HTR2C: variants seen among roughly 807,000 people sequenced by gnomAD.
The protein encoded by HTR2C is 5-hydroxytryptamine receptor 2C, also known as 5-hydroxytryptamine (serotonin) receptor 2C, G protein-coupled.
HTR2C carries 5 observed loss-of-function variants against 21.0 expected under a neutral mutation model. The observed-to-expected ratio is 0.24, with a 90% confidence interval of 0.12 to 0.50. The LOEUF (loss-of-function observed/expected upper bound fraction) is 0.50, where lower values mean the gene tolerates loss of function less well. Ranked by LOEUF, HTR2C falls within the 20% of genes least tolerant of loss-of-function variation. The pLI is 0.98. For missense variants in HTR2C, 271 were observed against 371.2 expected, an observed-to-expected ratio of 0.73 and a Z score of 2.22; for synonymous variants, 150 against 145.3, an observed-to-expected ratio of 1.03 and a Z score of -0.23.
chrX:114,626,227 A>AATAATAAT (rs1929366386), intron 2 of HTR2C, among the ~76,000 whole-genome samples: 1 of 103,339 alleles, frequency 9.7e-6, no homozygotes, highest in African/African-American at 3.6e-5. Flanking sequence ...AAAAAAAAAA[A>AATAATAAT]AATAATAAAA....
At chrX:114,678,935 C>T (rs1931658813) in intron 2 of HTR2C, among the ~76,000 whole-genome samples, 1 of 111,522 alleles carries the variant, frequency 9.0e-6, no homozygotes, top group African/African-American at 3.3e-5. Context: ...ACAAGACATC[C>T]TCCTGGGCTT....
intron 4 of HTR2C, among the ~76,000 whole-genome samples, chrX:114,809,509 G>A (rs1022946766): frequency 1.8e-4 from 20 of 108,648 alleles, no homozygotes; most frequent in Non-Finnish European, 3.4e-4. Flanking sequence ...TCAGCCTCCC[G>A]AGTAGCCGGG....
intron 5 of HTR2C, among the ~76,000 whole-genome samples, chrX:114,867,492 C>T (rs1332247752): frequency 9.0e-6 from 1 of 110,575 alleles, no homozygotes; most frequent in African/African-American, 3.3e-5. Context: ...CTTTGTTGTG[C>T]GGAAGGTTTT....
At chrX:114,776,824 A>G (rs1335102474) in intron 4 of HTR2C, 1 of 214,152 alleles carries the variant, frequency 4.7e-6, no homozygotes, top group East Asian at 1.1e-4. Context: ...AGACACAGAA[A>G]CCTCCAGAAC....
At chrX:114,806,933 A>T (rs1455818587) in intron 4 of HTR2C, among the ~76,000 whole-genome samples, 1 of 91,902 alleles carries the variant, frequency 1.1e-5, no homozygotes, top group Non-Finnish European at 2.1e-5. Context: ...TATATATACC[A>T]TATGTATATA....
intron 2 of HTR2C, among the ~76,000 whole-genome samples, chrX:114,676,118 C>T (rs1931553048): frequency 9.0e-6 from 1 of 111,182 alleles, no homozygotes; most frequent in Non-Finnish European, 1.9e-5. Flanking sequence ...GATCCACCCA[C>T]CTTGGCCTCC....
chrX:114,626,366 G>T (rs1602645658), intron 2 of HTR2C, among the ~76,000 whole-genome samples: 1 of 97,945 alleles, frequency 1.0e-5, no homozygotes, highest in African/African-American at 3.7e-5. Flanking sequence ...TCTAGCCTGG[G>T]CAACAGAAGG....
At position 114,906,723 on chromosome X, in the gene HTR2C, A is replaced by G; in HGVS notation, c.685A>G (p.Ile229Val). 2 of 1,211,073 alleles carry G rather than the reference A, an allele frequency of 1.7e-6. No homozygotes were observed. The highest frequency in any genetic ancestry group is 2.2e-6 in the Non-Finnish European group (2 of 895,265). ...SFVAFFIPLT[I>V]MVITYCLTIY... Reference sequence around the variant, plus strand: ...CGTAGCTTTCTTCATACCGCTGACGATTATGGTGATTACGTATTGCCTGAC... The same window carrying G: ...CGTAGCTTTCTTCATACCGCTGACGGTTATGGTGATTACGTATTGCCTGAC... The change falls in exon 6 of 6, where the codon ATT becomes GTT. Residue 229 changes from isoleucine (I) to valine (V), a missense_variant. By Grantham distance (29) the Ile-to-Val change is conservative (BLOSUM62 3). Transcript: ENST00000276198.
chrX:114,862,859 C>T (rs2071017049), intron 5 of HTR2C, among the ~76,000 whole-genome samples: 1 of 110,618 alleles, frequency 9.0e-6, no homozygotes, highest in African/African-American at 3.3e-5. Flanking sequence ...GAATGTATTC[C>T]ATCTATCTAA....
intron 2 of HTR2C, among the ~76,000 whole-genome samples, chrX:114,633,679 A>G (rs1929717463): frequency 9.0e-6 from 1 of 111,217 alleles, no homozygotes. Context: ...TTTTGATATC[A>G]TGAAAATTGT....
chrX:114,833,117 G>T (rs1255299615), intron 4 of HTR2C, among the ~76,000 whole-genome samples: 3 of 93,505 alleles, frequency 3.2e-5, no homozygotes, highest in African/African-American at 1.1e-4. Flanking sequence ...TTTTATTGAG[G>T]ATTTTTGCAT....
chrX:114,858,077 A>C (rs2070977458), intron 5 of HTR2C, among the ~76,000 whole-genome samples: 1 of 110,827 alleles, frequency 9.0e-6, no homozygotes, highest in Non-Finnish European at 1.9e-5. Context: ...CTGTCCTTGT[A>C]CTAGTATTAC....
intron 5 of HTR2C, among the ~76,000 whole-genome samples, chrX:114,882,031 T>C (rs180777795): frequency 7.3e-4 from 81 of 110,929 alleles, no homozygotes; most frequent in African/African-American, 2.4e-3. Context: ...CAATGTTTTA[T>C]AGATTTAAAT....
rs1392750946 is a variant in HTR2C at position 114,653,863 on chromosome X, G to A, written c.-80+39982G>A. 1.8e-5 allele frequency among the ~76,000 whole-genome samples: 2 copies of A among 110,718 alleles called. 1 individual carries two copies. Among genetic ancestry groups the A allele is most frequent in the African/African-American group, 6.5e-5 (2 of 30,601 alleles). On this transcript the variant is annotated intron_variant, in intron 2 of 5. Coordinates refer to ENST00000276198, the MANE Select transcript of HTR2C (RefSeq NM_000868.4). The stretch of plus-strand genomic sequence containing the variant: ...AAAATCAGTATAGGAAGATTAATCT[G>A]ACTTCTGAATGTACATAGTGCATAC...
chrX:114,612,427 G>A (rs782461206), intron 1 of HTR2C, among the ~76,000 whole-genome samples: 2 of 111,287 alleles, frequency 1.8e-5, no homozygotes, highest in African/African-American at 3.3e-5. Context: ...AAATATTAAT[G>A]TCCTTGCACC....
At chrX:114,891,277 G>A (rs1556482767) in intron 5 of HTR2C, among the ~76,000 whole-genome samples, 1 of 110,946 alleles carries the variant, frequency 9.0e-6, no homozygotes, top group Non-Finnish European at 1.9e-5. Flanking sequence ...CTGTGACCAA[G>A]CATGGTCTAT....
intron 2 of HTR2C, among the ~76,000 whole-genome samples, chrX:114,657,030 T>C (rs1435400547): frequency 1.8e-5 from 2 of 111,362 alleles, no homozygotes; most frequent in Admixed American, 9.6e-5. Flanking sequence ...AGTCTTATCT[T>C]CAAAAACAAC....
chrX:114,707,046 A>G (rs782707733), intron 2 of HTR2C, among the ~76,000 whole-genome samples: 79 of 111,830 alleles, frequency 7.1e-4, no homozygotes, highest in Non-Finnish European at 1.2e-3. Context: ...TTCAATTACT[A>G]TTGCATATAA....
At chrX:114,697,683 C>A (rs151183218) in intron 2 of HTR2C, among the ~76,000 whole-genome samples, 137 of 112,600 alleles carry the variant, frequency 1.2e-3, no homozygotes, top group African/African-American at 4.2e-3. Context: ...CACCCCTGTT[C>A]TCTACGAATC....
Sources: gnomAD v4.1 joint callset for allele counts (sites outside exome capture counted in the v4.1 genomes callset) on GRCh38, gnomAD v4.1.1 for gene constraint, MANE v1.5 for transcripts, NCBI Gene and HGNC (gene_info 2026-07-23, HGNC 2026-07-21) for gene names.